NCOA2: variants seen among roughly 807,000 people sequenced by gnomAD.
NCOA2 encodes class E basic helix-loop-helix protein 75.
Under a neutral mutation model 145.1 loss-of-function variants are expected in NCOA2, and 21 were observed. The observed-to-expected ratio is 0.14, with a 90% CI of 0.10 to 0.21. NCOA2 has a LOEUF of 0.21. NCOA2 is among the 10% of genes least tolerant of loss of function. The probability of loss-of-function intolerance (pLI) is 1.00; values close to 1 mark genes in which losing one functional copy is unlikely to be tolerated. For synonymous variants in NCOA2, 619 were observed against 637.5 expected (o/e 0.97, Z 0.44); for missense variants, 1,472 against 1,837.6 (o/e 0.80, Z 3.64).
chr8:70,194,683 T>C (rs1333938759), intron 4 of NCOA2, among the ~76,000 whole-genome samples: 1 of 148,272 alleles, frequency 6.7e-6, no homozygotes, highest in Admixed American at 6.7e-5. Flanking sequence ...CTTCTTTTTT[T>C]TTTTTTTTTT....
chr8:70,265,520 A>G (rs1204048800), intron 2 of NCOA2, among the ~76,000 whole-genome samples: 1 of 152,364 alleles, frequency 6.6e-6, no homozygotes, highest in Non-Finnish European at 1.5e-5. Context: ...GCAGTTCTCA[A>G]TTAGAACACA....
chr8:70,151,579 C>T (rs539762078), intron 11 of NCOA2, among the ~76,000 whole-genome samples: 43 of 152,276 alleles, frequency 2.8e-4, no homozygotes, highest in South Asian at 6.2e-4. Flanking sequence ...TGAGCCATCG[C>T]GCCCGGCCTA....
intron 4 of NCOA2, among the ~76,000 whole-genome samples, chr8:70,182,664 T>C (rs1815619845): frequency 6.6e-6 from 1 of 152,182 alleles, no homozygotes; most frequent in Non-Finnish European, 1.5e-5. Flanking sequence ...CCACTTCATA[T>C]AGTACCTATC....
chr8:70,424,393 C>T, the NCOA2 span: 1 of 399,248 alleles, frequency 2.5e-6, no homozygotes, highest in Middle Eastern at 9.6e-4. Context: ...TATGTTCCAC[C>T]TCATCCTCAG....
intron 2 of NCOA2, among the ~76,000 whole-genome samples, chr8:70,228,902 G>A (rs764787464): frequency 3.7e-4 from 56 of 152,180 alleles, no homozygotes; most frequent in Non-Finnish European, 5.4e-4. Flanking sequence ...ATAGAATGAC[G>A]TGGAGAAAAC....
Position 70,148,426 on chromosome 8 carries a change from A to G in NCOA2, c.2452T>C (p.Leu818=), listed in dbSNP as rs1424816973. Residue 818 remains leucine (L), a synonymous_variant, in exon 12 of 23, where the codon TTA becomes CTA. Coordinates refer to ENST00000452400, the MANE Select transcript of NCOA2 (RefSeq NM_006540.4). The part of the protein sequence containing the change: ...EILDDLQNSQ[L]PQLFPDTRPG... ...CTCGTGTCTGGGAAAAGCTGTGGTA[A>G]TTGACTATTCTGCAAATCATCCAAA... 2 of 1,613,872 alleles carry G rather than the reference A, an allele frequency of 1.2e-6. No individual in the cohort carries two copies. The highest frequency in any genetic ancestry group is 2.2e-5 in the South Asian group (2 of 91,072).
At chr8:70,364,739 C>T (rs1336202537) in intron 1 of NCOA2, among the ~76,000 whole-genome samples, 1 of 135,792 alleles carries the variant, frequency 7.4e-6, no homozygotes, top group Non-Finnish European at 1.5e-5. Context: ...TCTCCCAATA[C>T]TTAAAAAAAA....
At position 70,111,002 on chromosome 8, in the gene NCOA2, G is replaced by A. The variant is rs1806489217; in HGVS notation, c.*2630C>T. On this transcript the variant is annotated 3_prime_UTR_variant, in exon 23 of 23. Coordinates refer to ENST00000452400, the MANE Select transcript of NCOA2 (RefSeq NM_006540.4). ...CAGCATGAGAAATACTGATAATGAA[G>A]GGAACTGATTTGGCTTTTGCTTCTA... 1 of 223,780 alleles carries A rather than the reference G, an allele frequency of 4.5e-6. No individual in the cohort carries two copies. The highest frequency in any genetic ancestry group is 8.9e-6 in the Non-Finnish European group (1 of 112,246). 13.9% of individuals were successfully genotyped at this position (223,780 alleles called of 1,614,324 possible).
Position 70,249,977 on chromosome 8 carries a change from A to AAAAAAAAAAAG in NCOA2, c.-19-33214_-19-33213insCTTTTTTTTTT, listed in dbSNP as rs751876043. Among the ~76,000 whole-genome samples, 90 of 137,880 alleles carry AAAAAAAAAAAG rather than the reference A, an allele frequency of 6.5e-4. 1 individual carries two copies. The highest frequency in any genetic ancestry group is 1.1e-3 in the Non-Finnish European group (73 of 64,322). The allele number at this position is 137,880 out of a possible 152,430, so 90.5% of individuals were successfully genotyped here. ...GAATCTGCCTCCAAAAAAAAAAAAA[A>AAAAAAAAAAAG]AAGAAGAAGAAGAAGAAGAAGAAGA... is the stretch of plus-strand genomic sequence containing the variant. On this transcript the variant is annotated intron_variant, in intron 2 of 22. Transcript: ENST00000452400.
chr8:70,257,589 TC>T (rs1823737442), intron 2 of NCOA2, among the ~76,000 whole-genome samples: 1 of 152,164 alleles, frequency 6.6e-6, no homozygotes, highest in Non-Finnish European at 1.5e-5. Context: ...CGTCGGGGCC[TC>T]CCCTGTGCTT....
intron 5 of NCOA2, among the ~76,000 whole-genome samples, chr8:70,170,623 G>A (rs1814142021): frequency 1.3e-5 from 2 of 152,078 alleles, no homozygotes; most frequent in African/African-American, 4.8e-5. Context: ...CAAACTAAAC[G>A]ACCAACACTA....
chr8:70,256,079 G>T (rs1030670733), intron 2 of NCOA2, among the ~76,000 whole-genome samples: 3 of 152,212 alleles, frequency 2.0e-5, no homozygotes, highest in African/African-American at 7.2e-5. Flanking sequence ...TTAACGAACT[G>T]AGAGACACAT....
At chr8:70,296,651 C>T (rs910051678) in intron 2 of NCOA2, 93 bp downstream of exon 2, 3 of 152,004 alleles carry the variant, frequency 2.0e-5, no homozygotes, top group Admixed American at 2.0e-4. Flanking sequence ...TTAAAATCAT[C>T]TTATTTACAT....
chr8:70,337,018 C>T (rs1272784735), intron 1 of NCOA2, among the ~76,000 whole-genome samples: 1 of 152,008 alleles, frequency 6.6e-6, no homozygotes, highest in Non-Finnish European at 1.5e-5. Context: ...AGGTGTCCCA[C>T]AAATATATAT....
chr8:70,166,782 T>C, intron 6 of NCOA2, 28 bp from the exon 7 acceptor site: 1 of 1,592,930 alleles, frequency 6.3e-7, no homozygotes, highest in Non-Finnish European at 8.6e-7. Flanking sequence ...AATCCAGTTT[T>C]ACAAAGAAAC....
chr8:70,416,704 C>A, the NCOA2 span, among the ~76,000 whole-genome samples: 1 of 152,182 alleles, frequency 6.6e-6, no homozygotes, highest in South Asian at 2.1e-4. Context: ...GGGGCCAGAT[C>A]TGGCAAGGGC....
In NCOA2 at chr8:70,184,982, A is replaced by G. The variant is rs190095218; in HGVS notation, c.260-10123T>C. On this transcript the variant is annotated intron_variant, in intron 4 of 22. Coordinates refer to ENST00000452400, the MANE Select transcript of NCOA2 (RefSeq NM_006540.4). ...CTTTTCACTGACATCTTGCTCCCCA[A>G]TGCATTTTGTTCCACTTCTCAGACC... 1.5e-3 allele frequency among the ~76,000 whole-genome samples: 225 copies of G among 152,212 alleles called. 1 individual carries two copies. The highest frequency in any genetic ancestry group is 4.1e-3 in the African/African-American group (172 of 41,520).
chr8:70,166,327 C>T (rs1281314141), intron 7 of NCOA2, among the ~76,000 whole-genome samples: 1 of 152,260 alleles, frequency 6.6e-6, no homozygotes, highest in East Asian at 1.9e-4. Flanking sequence ...ACCAGCCACA[C>T]ATGGCTAGTG....
At chr8:70,445,622 C>T in the NCOA2 span, among the ~76,000 whole-genome samples, 4 of 152,174 alleles carry the variant, frequency 2.6e-5, no homozygotes, top group African/African-American at 7.2e-5. Flanking sequence ...CCTCTCCACA[C>T]TCATTATAAT....
Sources: gnomAD v4.1 joint callset for allele counts (sites outside exome capture counted in the v4.1 genomes callset) on GRCh38, gnomAD v4.1.1 for gene constraint, MANE v1.5 for transcripts, NCBI Gene and HGNC (gene_info 2026-07-23, HGNC 2026-07-21) for gene names.